Variants in DTL observed in about 807,000 individuals in gnomAD.
The protein encoded by DTL is denticleless E3 ubiquitin protein ligase adapter, also known as denticleless protein homolog.
In DTL, 46 loss-of-function variants were observed where a neutral mutation model predicts 87.0. That is an observed-to-expected ratio of 0.53 (90% CI 0.42 to 0.68). The LOEUF is 0.68. DTL is among the 30% of genes least tolerant of loss of function. The pLI is 0.00. For synonymous variants in DTL, 308 were observed against 311.2 expected, an observed-to-expected ratio of 0.99 and a Z score of 0.11; for missense variants, 737 against 869.4, an observed-to-expected ratio of 0.85 and a Z score of 1.91.
Position 212,105,000 on chromosome 1 carries a change from T to C in DTL, c.*2060T>C, listed in dbSNP as rs1655733531. On this transcript the variant is annotated 3_prime_UTR_variant, in exon 15 of 15. Coordinates refer to ENST00000366991, the MANE Select transcript of DTL (RefSeq NM_016448.4). ...GAAAGAGCTTTTAATAAAAAACATC[T>C]TGCTTGGATCAGACTTTGAGCATTT... 1 of 152,232 alleles carries C rather than the reference T, an allele frequency of 6.6e-6. No individual in the cohort carries two copies. The highest frequency in any genetic ancestry group is 1.5e-5 in the Non-Finnish European group (1 of 68,034). The allele number at this position is 152,232 out of a possible 1,614,324, so 9.4% of individuals were successfully genotyped here. A position where few individuals can be genotyped will look rare whatever the true frequency, so the allele number is the denominator to read the frequency against.
intron 11 of DTL, among the ~76,000 whole-genome samples, chr1:212,074,166 G>A (rs73089287): frequency 0.072 from 10,841 of 151,424 alleles, 651 homozygotes; most frequent in African/African-American, 0.16. Flanking sequence ...ACATAATTAT[G>A]TATACAATTA....
chr1:212,091,537 T>C (rs1299879680), intron 13 of DTL, among the ~76,000 whole-genome samples: 1 of 152,162 alleles, frequency 6.6e-6, no homozygotes, highest in African/African-American at 2.4e-5. Context: ...AGCCAAGATA[T>C]GGAATCACCT....
Position 212,066,880 on chromosome 1 carries a change from G to A in DTL, c.708G>A (p.Val236=). 1 of 1,613,202 alleles carries A rather than the reference G, an allele frequency of 6.2e-7. No individual in the cohort carries two copies. Among genetic ancestry groups the A allele is most frequent in the Non-Finnish European group, 8.5e-7 (1 of 1,179,290 alleles). Residue 236 remains valine (V), a synonymous_variant, in exon 8 of 15, where the codon GTG becomes GTA. Transcript: ENST00000366991. ...ATACCTTAGTCTCAGCAGGAGCTGT[G>A]GATGGGTAAGAGTCTATTTCTTTTT... ...DENTLVSAGA[V]DGIIKVWDLR... is the part of the protein sequence containing the mutation.
intron 3 of DTL, among the ~76,000 whole-genome samples, chr1:212,046,880 C>T (rs556930605): frequency 2.6e-5 from 4 of 152,270 alleles, no homozygotes; most frequent in East Asian, 1.9e-4. Flanking sequence ...TCTTCCACAA[C>T]GGTTGAATTA....
chr1:212,088,185 A>G (rs1306460985), intron 13 of DTL, among the ~76,000 whole-genome samples: 1 of 152,202 alleles, frequency 6.6e-6, no homozygotes, highest in Non-Finnish European at 1.5e-5. Flanking sequence ...TTTAGGCATT[A>G]TTGAGTGATA....
intron 5 of DTL, among the ~76,000 whole-genome samples, chr1:212,056,989 T>C (rs1668196487): frequency 6.6e-6 from 1 of 152,172 alleles, no homozygotes; most frequent in Admixed American, 6.5e-5. Flanking sequence ...AAAGCTTTCA[T>C]GGCATATGGG....
chr1:212,071,013 A>G (rs1654654442), intron 10 of DTL, among the ~76,000 whole-genome samples: 1 of 152,248 alleles, frequency 6.6e-6, no homozygotes, highest in African/African-American at 2.4e-5. Context: ...AATGTTCAGA[A>G]TAAAGGAGCT....
intron 13 of DTL, among the ~76,000 whole-genome samples, chr1:212,088,382 A>AT (rs1271425496): frequency 2.6e-5 from 4 of 152,216 alleles, no homozygotes; most frequent in African/African-American, 9.6e-5. Context: ...ACTACGCACT[A>AT]TAGGGGCACT....
Position 212,043,061 on chromosome 1 carries a change from A to G in DTL, c.121A>G (p.Thr41Ala). 2 of 1,613,412 alleles carry G rather than the reference A, an allele frequency of 1.2e-6. No homozygotes were observed. Among genetic ancestry groups the G allele is most frequent in the Non-Finnish European group, 1.7e-6 (2 of 1,179,636 alleles). ...GYQCSGNDEH[T>A]SYGETGVPVP... ...TCAGTGCAGTGGTAATGATGAACAC[A>G]CTTCTTATGGAGAAACAGGAGTCCC... The change falls in exon 2 of 15, where the codon ACT (threonine) becomes GCT (alanine). Residue 41 changes from threonine (T) to alanine (A), a missense_variant. Thr to Ala is a moderately conservative substitution (Grantham distance 58, BLOSUM62 0). Transcript: ENST00000366991.
intron 5 of DTL, among the ~76,000 whole-genome samples, chr1:212,055,389 A>AT (rs1477212533): frequency 6.6e-6 from 1 of 152,096 alleles, no homozygotes; most frequent in Non-Finnish European, 1.5e-5. Context: ...GAGAGATATC[A>AT]TACTGGGTCC....
intron 5 of DTL, among the ~76,000 whole-genome samples, chr1:212,053,301 A>G (rs1364526978): frequency 2.0e-5 from 3 of 151,896 alleles, no homozygotes; most frequent in Non-Finnish European, 2.9e-5. Flanking sequence ...AGGGTCTGGC[A>G]CTGTTGCCCA....
intron 11 of DTL, among the ~76,000 whole-genome samples, chr1:212,073,760 G>A (rs1654745636): frequency 6.6e-6 from 1 of 151,990 alleles, no homozygotes; most frequent in African/African-American, 2.4e-5. Context: ...ATTTTTAAAT[G>A]CCTATAAAGT....
chr1:212,052,298 T>G (rs1668007237), intron 5 of DTL, among the ~76,000 whole-genome samples: 1 of 152,220 alleles, frequency 6.6e-6, no homozygotes, highest in Admixed American at 6.5e-5. Flanking sequence ...TTTGTATTTG[T>G]AAATTCCTTT....
chr1:212,071,890 G>C (rs926134676), intron 10 of DTL, among the ~76,000 whole-genome samples: 35 of 152,116 alleles, frequency 2.3e-4, no homozygotes, highest in African/African-American at 8.2e-4. Context: ...CTCAGACTGA[G>C]TTCATGAGAT....
chr1:212,054,961 C>G (rs1437170547), intron 5 of DTL, among the ~76,000 whole-genome samples: 2 of 152,084 alleles, frequency 1.3e-5, no homozygotes, highest in Non-Finnish European at 2.9e-5. Context: ...ATGAATAGTG[C>G]CTGACACTTA....
At chr1:212,042,955 G>A in intron 1 of DTL, 38 bp from the exon 2 acceptor site, 1 of 1,539,786 alleles carries the variant, frequency 6.5e-7, no homozygotes, top group Non-Finnish European at 8.7e-7. Flanking sequence ...GAAATGTGAT[G>A]CTGTATTGGA....
intron 1 of DTL, among the ~76,000 whole-genome samples, chr1:212,038,789 T>C (rs111807316): frequency 1.3e-5 from 2 of 152,334 alleles, no homozygotes; most frequent in Non-Finnish European, 1.5e-5. Context: ...TATCTAAAAG[T>C]TTTTATTATA....
rs1209583438 is a variant in DTL, at chr1:212,068,596, C to T, written c.818-3C>T. ...CGTGCTAACTTAAGTTTCCTTTTTCCAGGATATTCAAGTCTGATTTTGGAT... is the reference window on the plus strand; with the variant it reads ...CGTGCTAACTTAAGTTTCCTTTTTCTAGGATATTCAAGTCTGATTTTGGAT... On this transcript the variant is annotated splice_region_variant and splice_polypyrimidine_tract_variant and intron_variant, in intron 9 of 14. Coordinates refer to ENST00000366991, the MANE Select transcript of DTL (RefSeq NM_016448.4). The T allele has an allele frequency of 6.2e-7, 1 of 1,602,098 alleles. No homozygotes were observed. The highest frequency in any genetic ancestry group is 8.5e-7 in the Non-Finnish European group (1 of 1,170,140).
chr1:212,073,709 G>C (rs2102559501), intron 11 of DTL, among the ~76,000 whole-genome samples: 1 of 151,854 alleles, frequency 6.6e-6, no homozygotes, highest in Admixed American at 6.6e-5. Context: ...TTCTATGTTG[G>C]GCCTGCCTTT....
Sources: gnomAD v4.1 joint callset for allele counts (sites outside exome capture counted in the v4.1 genomes callset) on GRCh38, gnomAD v4.1.1 for gene constraint, MANE v1.5 for transcripts, NCBI Gene and HGNC (gene_info 2026-07-23, HGNC 2026-07-21) for gene names.